Variants in STARD13 observed in about 807,000 individuals in gnomAD.
STARD13 encodes the protein stAR-related lipid transfer protein 13.
STARD13 carries 62 observed loss-of-function variants against 106.4 expected under a neutral mutation model. The observed-to-expected ratio is 0.58, with a 90% CI of 0.48 to 0.72. The LOEUF (loss-of-function observed/expected upper bound fraction) is 0.72. STARD13 is among the 30% of genes least tolerant of loss of function. STARD13 has a pLI of 0.00. For missense variants in STARD13, 1,387 were observed against 1,424.0 expected (o/e 0.97, Z 0.42); for synonymous variants, 565 against 553.0 (o/e 1.02, Z -0.31).
chr13:33,313,747 T>C (rs1237628902), intron 1 of STARD13, among the ~76,000 whole-genome samples: 1 of 152,142 alleles, frequency 6.6e-6, no homozygotes, highest in African/African-American at 2.4e-5. Flanking sequence ...GCAGAGCCAA[T>C]ACTCTAATCC....
chr13:33,517,928 T>C, the STARD13 span, among the ~76,000 whole-genome samples: 13 of 151,730 alleles, frequency 8.6e-5, no homozygotes, highest in South Asian at 4.2e-4. Context: ...CCTGTCTACC[T>C]ACTGGCTGCT....
At chr13:33,596,287 A>G in the STARD13 span, among the ~76,000 whole-genome samples, 1 of 152,222 alleles carries the variant, frequency 6.6e-6, no homozygotes, top group Non-Finnish European at 1.5e-5. Context: ...ATCAAATTAT[A>G]TTTTTATCCT....
the STARD13 span, among the ~76,000 whole-genome samples, chr13:33,464,035 A>ATG: frequency 8.3e-5 from 12 of 144,928 alleles, no homozygotes; most frequent in African/African-American, 3.0e-4. Context: ...ATATATATAT[A>ATG]TATATATGTA....
intron 1 of STARD13, among the ~76,000 whole-genome samples, chr13:33,227,247 T>C (rs1888674694): frequency 6.6e-6 from 1 of 152,234 alleles, no homozygotes; most frequent in Non-Finnish European, 1.5e-5. Flanking sequence ...CTTTTCTATC[T>C]TAGTTCAAGG....
intron 1 of STARD13, among the ~76,000 whole-genome samples, chr13:33,249,664 A>T (rs1889998082): frequency 6.6e-6 from 1 of 152,318 alleles, no homozygotes; most frequent in African/African-American, 2.4e-5. Flanking sequence ...CAATTAATAC[A>T]GGTATAGTTG....
the STARD13 span, among the ~76,000 whole-genome samples, chr13:33,564,856 G>A: frequency 6.9e-6 from 1 of 145,840 alleles, no homozygotes; most frequent in Non-Finnish European, 1.5e-5. Flanking sequence ...AGCCGGGCAT[G>A]GTGGCACACG....
chr13:33,596,714 T>A, the STARD13 span, among the ~76,000 whole-genome samples: 2 of 152,150 alleles, frequency 1.3e-5, no homozygotes, highest in African/African-American at 4.8e-5. Flanking sequence ...CTTTCTCTGA[T>A]AACCATAATT....
the STARD13 span, among the ~76,000 whole-genome samples, chr13:33,482,859 C>A: frequency 6.6e-6 from 1 of 152,064 alleles, no homozygotes; most frequent in African/African-American, 2.4e-5. Flanking sequence ...CAGGAAAAAT[C>A]CTCAGATTAG....
chr13:33,216,086 T>C (rs1393787776), intron 1 of STARD13, among the ~76,000 whole-genome samples: 1 of 152,144 alleles, frequency 6.6e-6, no homozygotes, highest in Admixed American at 6.5e-5. Flanking sequence ...GTGGATGCGA[T>C]GAAAAGGGAA....
the STARD13 span, among the ~76,000 whole-genome samples, chr13:33,478,892 G>A: frequency 6.6e-6 from 1 of 151,990 alleles, no homozygotes; most frequent in Non-Finnish European, 1.5e-5. Flanking sequence ...CTCCAGCCTG[G>A]GTGACAGAGG....
chr13:33,368,330 A>C, the STARD13 span, among the ~76,000 whole-genome samples: 1 of 152,184 alleles, frequency 6.6e-6, no homozygotes, highest in Non-Finnish European at 1.5e-5. Flanking sequence ...CAAATGTCAT[A>C]ATTAACATTC....
chr13:33,659,032 C>T, the STARD13 span, among the ~76,000 whole-genome samples: 1 of 152,078 alleles, frequency 6.6e-6, no homozygotes, highest in East Asian at 1.9e-4. Context: ...TCTTTGCCCC[C>T]TTCCTCATAT....
the STARD13 span, among the ~76,000 whole-genome samples, chr13:33,502,450 C>A: frequency 2.6e-5 from 4 of 152,168 alleles, no homozygotes; most frequent in African/African-American, 4.8e-5. Flanking sequence ...AGAGGGCATC[C>A]CTGTCTTGTG....
the STARD13 span, among the ~76,000 whole-genome samples, chr13:33,411,990 T>C: frequency 6.6e-6 from 1 of 152,148 alleles, no homozygotes; most frequent in East Asian, 1.9e-4. Flanking sequence ...CAGAAAGGAA[T>C]AGTGAAAGAA....
intron 1 of STARD13, among the ~76,000 whole-genome samples, chr13:33,224,320 T>C (rs1888506880): frequency 6.6e-6 from 1 of 152,228 alleles, no homozygotes; most frequent in African/African-American, 2.4e-5. Flanking sequence ...ATTTGGGGAA[T>C]AGTACTGTAT....
intron 3 of STARD13, among the ~76,000 whole-genome samples, chr13:33,156,392 T>C (rs1020788874): frequency 2.0e-5 from 3 of 152,234 alleles, no homozygotes; most frequent in African/African-American, 7.2e-5. Context: ...TGCTTTCAAA[T>C]TCTTTTGTGT....
chr13:33,127,350 T>C (rs1364394035), intron 6 of STARD13, 23 bp downstream of exon 6: 3 of 1,548,368 alleles, frequency 1.9e-6, no homozygotes, highest in East Asian at 2.4e-5. Context: ...AAGGATCCCC[T>C]CCTAGGTGAA....
At chr13:33,106,142 G>A (rs753940183) in intron 13 of STARD13, among the ~76,000 whole-genome samples, 2 of 152,212 alleles carry the variant, frequency 1.3e-5, no homozygotes, top group Non-Finnish European at 2.9e-5. Flanking sequence ...ATACATGGTC[G>A]AGCACGGTGG....
intron 1 of STARD13, chr13:33,205,955 T>A (rs1887389794): frequency 1.0e-6 from 1 of 985,436 alleles, no homozygotes; most frequent in Non-Finnish European, 1.2e-6. Flanking sequence ...TGTTTTCTCT[T>A]CGTTATCTCT....
Sources: allele counts gnomAD v4.1 joint callset (sites outside exome capture counted in the v4.1 genomes callset), GRCh38; gene constraint gnomAD v4.1.1; transcripts MANE v1.5; gene names NCBI Gene and HGNC (gene_info 2026-07-23, HGNC 2026-07-21).